The following TRIP12 variants were observed in gnomAD, a reference collection of about 807,000 sequenced individuals.
TRIP12 encodes the protein E3 ubiquitin-protein ligase TRIP12.
A neutral mutation model predicts 244.2 loss-of-function variants in TRIP12; 25 were observed. That is an observed-to-expected ratio of 0.10 (90% CI 0.07 to 0.14). TRIP12 has a LOEUF of 0.14. Among genes scored for constraint, TRIP12 ranks in the 10% least tolerant of loss-of-function variants. The probability of loss-of-function intolerance (pLI) is 1.00; values close to 1 mark genes in which losing one functional copy is unlikely to be tolerated. For synonymous variants in TRIP12, 905 were observed against 873.1 expected (o/e 1.04, Z -0.64); for missense variants, 1,677 against 2,486.4 (o/e 0.67, Z 6.92).
chr2:229,922,244 G>T (rs1028163567), upstream of TRIP12: 17 of 467,122 alleles, frequency 3.6e-5, no homozygotes, highest in African/African-American at 2.2e-4. Context: ...GGACTGTGGA[G>T]ATCTACTTGG....
intron 31 of TRIP12, 84 bp from the exon 32 acceptor site, chr2:229,789,024 C>T: frequency 7.8e-7 from 1 of 1,277,408 alleles, no homozygotes; most frequent in Non-Finnish European, 1.1e-6. Flanking sequence ...ATCCCCAAGT[C>T]CATGCAAAGT....
chr2:229,811,851 T>C (rs544849090), intron 13 of TRIP12, among the ~76,000 whole-genome samples: 27 of 152,350 alleles, frequency 1.8e-4, no homozygotes, highest in Non-Finnish European at 3.1e-4. Flanking sequence ...AATTTTCATA[T>C]GTAAAAATTA....
At chr2:229,874,587 C>A (rs1453521111) in intron 2 of TRIP12, among the ~76,000 whole-genome samples, 1 of 151,796 alleles carries the variant, frequency 6.6e-6, no homozygotes, top group East Asian at 1.9e-4. Flanking sequence ...AAGAATGTTA[C>A]AGAATTCCAG....
At chr2:229,897,486 A>G (rs570355460) in intron 1 of TRIP12, among the ~76,000 whole-genome samples, 2 of 152,238 alleles carry the variant, frequency 1.3e-5, no homozygotes, top group Non-Finnish European at 2.9e-5. Context: ...CGTCTCTACT[A>G]AAAATACAAA....
intron 40 of TRIP12, 22 bp downstream of exon 40, chr2:229,769,209 A>T: frequency 1.9e-6 from 3 of 1,603,132 alleles, no homozygotes; most frequent in Non-Finnish European, 2.6e-6. Flanking sequence ...CAACAGAAAA[A>T]CTGGCAGACC....
intron 2 of TRIP12, among the ~76,000 whole-genome samples, chr2:229,872,649 A>C (rs2062873141): frequency 6.6e-6 from 1 of 152,218 alleles, no homozygotes; most frequent in Non-Finnish European, 1.5e-5. Context: ...TTCTATCCTT[A>C]AAAAGAAAGA....
intron 41 of TRIP12, 52 bp from the exon 42 acceptor site, chr2:229,767,802 G>A: frequency 1.3e-6 from 2 of 1,544,492 alleles, no homozygotes; most frequent in South Asian, 2.4e-5. Context: ...AAAAACATCA[G>A]CTATCAGAAA....
At chr2:229,784,981 C>T (rs948656028) in intron 34 of TRIP12, among the ~76,000 whole-genome samples, 1 of 152,150 alleles carries the variant, frequency 6.6e-6, no homozygotes, top group African/African-American at 2.4e-5. Flanking sequence ...TACAAATGTT[C>T]ACAGCAATGT....
intron 1 of TRIP12, among the ~76,000 whole-genome samples, chr2:229,885,319 T>C (rs565556845): frequency 6.6e-6 from 1 of 152,292 alleles, no homozygotes; most frequent in East Asian, 1.9e-4. Context: ...TAAATTACAG[T>C]AATAAACACA....
intron 8 of TRIP12, among the ~76,000 whole-genome samples, chr2:229,819,436 G>A (rs548069249): frequency 3.3e-5 from 5 of 152,212 alleles, no homozygotes; most frequent in East Asian, 3.9e-4. Flanking sequence ...TCCCAGATAC[G>A]CAGGAGGCTG....
intron 4 of TRIP12, among the ~76,000 whole-genome samples, chr2:229,842,588 C>T (rs1389364649): frequency 1.3e-5 from 2 of 151,304 alleles, no homozygotes; most frequent in Admixed American, 6.6e-5. Flanking sequence ...CACCAAAAAA[C>T]AGTGTTTTTG....
At chr2:229,823,453 T>A (rs1182434269) in intron 8 of TRIP12, among the ~76,000 whole-genome samples, 1 of 151,612 alleles carries the variant, frequency 6.6e-6, no homozygotes, top group Middle Eastern at 3.2e-3. Context: ...GTGGGGTGGA[T>A]CAGGAGGTCA....
At chr2:229,887,976 A>T (rs918595276) in intron 1 of TRIP12, among the ~76,000 whole-genome samples, 1 of 152,182 alleles carries the variant, frequency 6.6e-6, no homozygotes, top group Non-Finnish European at 1.5e-5. Context: ...CAGTAATCTC[A>T]TTCTAAAATT....
intron 2 of TRIP12, among the ~76,000 whole-genome samples, chr2:229,864,194 G>A (rs997833046): frequency 3.3e-5 from 5 of 152,158 alleles, no homozygotes; most frequent in African/African-American, 1.2e-4. Context: ...GGGCTGATAT[G>A]TTAAAAATAA....
At chr2:229,836,722 G>A (rs1575716563) in intron 6 of TRIP12, 126 bp downstream of exon 6, 1 of 1,168,740 alleles carries the variant, frequency 8.6e-7, no homozygotes, top group East Asian at 2.9e-5. Context: ...ATATCAAACT[G>A]GTAAAGTAAA....
At chr2:229,854,534 G>A (rs564194318) in intron 4 of TRIP12, among the ~76,000 whole-genome samples, 10 of 152,098 alleles carry the variant, frequency 6.6e-5, no homozygotes, top group South Asian at 4.2e-4. Context: ...CCCATTTTAC[G>A]GAGAACAAGT....
At position 229,821,251 on chromosome 2, in the gene TRIP12, C is replaced by A. The variant is rs144782284; in HGVS notation, c.1451-2739G>T. 8.7e-3 allele frequency among the ~76,000 whole-genome samples: 1,325 copies of A among 152,304 alleles called. 7 individuals carry two copies. Among genetic ancestry groups the A allele is most frequent in the Non-Finnish European group, 0.014 (930 of 68,022 alleles). On this transcript the variant is annotated intron_variant, in intron 8 of 41. Transcript: ENST00000675903. ...ATCCCACCAGTTTTACCCATTACAG[C>A]TTTTGCACCATCAGTTCAAACATCA... is the stretch of plus-strand genomic sequence containing the variant.
At chr2:229,781,577 A>G (rs995526401) in intron 34 of TRIP12, among the ~76,000 whole-genome samples, 1 of 152,206 alleles carries the variant, frequency 6.6e-6, no homozygotes, top group Non-Finnish European at 1.5e-5. Context: ...CCAAAAGGAT[A>G]CTGGGTCACT....
At chr2:229,793,546 A>C (rs1056946844) in intron 26 of TRIP12, among the ~76,000 whole-genome samples, 3 of 152,214 alleles carry the variant, frequency 2.0e-5, no homozygotes, top group African/African-American at 7.2e-5. Context: ...GAAAAAAAAA[A>C]CTCTTTATTT....
Sources: allele counts gnomAD v4.1 joint callset (sites outside exome capture counted in the v4.1 genomes callset), GRCh38; gene constraint gnomAD v4.1.1; transcripts MANE v1.5; gene names NCBI Gene and HGNC (gene_info 2026-07-23, HGNC 2026-07-21).